RTN1: variants seen among roughly 807,000 people sequenced by gnomAD.
RTN1 encodes the protein reticulon-1.
In RTN1, 25 loss-of-function variants were observed where a neutral mutation model predicts 65.5. The ratio of observed to expected loss-of-function variants is 0.38; its 90% CI spans 0.28 to 0.53. The LOEUF (loss-of-function observed/expected upper bound fraction) is 0.53, where lower values mean the gene tolerates loss of function less well. Among genes scored for constraint, RTN1 ranks in the 20% least tolerant of loss-of-function variants. RTN1 has a pLI of 0.79. For synonymous variants in RTN1, 471 were observed against 447.6 expected, an observed-to-expected ratio of 1.05 and a Z score of -0.66; for missense variants, 983 against 1,025.4, an observed-to-expected ratio of 0.96 and a Z score of 0.57.
intron 1 of RTN1, among the ~76,000 whole-genome samples, chr14:59,814,429 G>A (rs1286830622): frequency 6.6e-6 from 1 of 152,192 alleles, no homozygotes; most frequent in African/African-American, 2.4e-5. Flanking sequence ...CTGGAGTCAG[G>A]GCCGTTGTAT....
Position 59,868,376 on chromosome 14 carries a change from G to C in RTN1, c.241+2014C>G, listed in dbSNP as rs1887833829. 6.6e-6 allele frequency among the ~76,000 whole-genome samples: 1 copy of C among 152,012 alleles called. No individual in the cohort carries two copies. The highest frequency in any genetic ancestry group is 6.6e-5 in the Admixed American group (1 of 15,254). On this transcript the variant is annotated intron_variant, in intron 1 of 8. Transcript: ENST00000267484. This position sits in a 1 kb window ranked among gnomAD's most constrained non-coding sequence, Gnocchi z 4.0. Reference sequence around the variant, plus strand: ...CCCATCCAAACGTAGTATCATGTTTGATTTTATTACTATATTTGTTGCCTA... The same window carrying C: ...CCCATCCAAACGTAGTATCATGTTTCATTTTATTACTATATTTGTTGCCTA...
intron 3 of RTN1, among the ~76,000 whole-genome samples, chr14:59,705,250 C>T (rs1049196820): frequency 6.6e-6 from 1 of 152,168 alleles, no homozygotes; most frequent in African/African-American, 2.4e-5. Context: ...CCCTCTACCC[C>T]CTACCCCAAC....
At chr14:59,600,408 C>T (rs1167415537) in intron 8 of RTN1, among the ~76,000 whole-genome samples, 1 of 152,134 alleles carries the variant, frequency 6.6e-6, no homozygotes, top group African/African-American at 2.4e-5. Context: ...GAAATAGGCT[C>T]ATAGAGTCAA....
chr14:59,658,059 G>T (rs1418539834), intron 3 of RTN1, among the ~76,000 whole-genome samples: 2 of 152,210 alleles, frequency 1.3e-5, no homozygotes, highest in East Asian at 3.9e-4. Flanking sequence ...GTTGGTGGGG[G>T]GAGGGGCATC....
At chr14:59,730,067 A>G (rs1260052226) in intron 2 of RTN1, among the ~76,000 whole-genome samples, 1 of 152,132 alleles carries the variant, frequency 6.6e-6, no homozygotes, top group Non-Finnish European at 1.5e-5. Flanking sequence ...GGCCATCTTT[A>G]CACTTCTGTA....
rs967678493 is a variant in RTN1 at position 59,774,060 on chromosome 14, C to T, written c.242-27579G>A. On this transcript the variant is annotated intron_variant, in intron 1 of 8. Coordinates refer to ENST00000267484, the MANE Select transcript of RTN1 (RefSeq NM_021136.3). This position sits in a 1 kb window ranked among gnomAD's most constrained non-coding sequence, Gnocchi z 5.1. The stretch of plus-strand genomic sequence containing the variant: ...GCATCCACGTTTGTGAAATAGAATG[C>T]CAGATTTACAAATTTGGGCAAGTAT... 6.6e-6 allele frequency among the ~76,000 whole-genome samples: 1 copy of T among 152,054 alleles called. No individual in the cohort carries two copies. The highest frequency in any genetic ancestry group is 2.4e-5 in the African/African-American group (1 of 41,404).
intron 1 of RTN1, among the ~76,000 whole-genome samples, chr14:59,773,749 T>C (rs778352925): frequency 5.9e-5 from 9 of 152,114 alleles, no homozygotes; most frequent in Non-Finnish European, 1.2e-4. Context: ...CAAGAGCTGA[T>C]TTATTTTGGC....
chr14:59,597,359 A>G (rs146316481), intron 8 of RTN1, among the ~76,000 whole-genome samples: 5 of 152,242 alleles, frequency 3.3e-5, no homozygotes, highest in Non-Finnish European at 5.9e-5. Flanking sequence ...CTGGTCCTAA[A>G]TACTCATTAA....
intron 3 of RTN1, among the ~76,000 whole-genome samples, chr14:59,719,986 T>C (rs1411002110): frequency 2.6e-5 from 4 of 152,124 alleles, no homozygotes; most frequent in Non-Finnish European, 5.9e-5. Flanking sequence ...AAGTTTAAGG[T>C]TGACTCGATT....
At chr14:59,700,613 T>A (rs991643222) in intron 3 of RTN1, among the ~76,000 whole-genome samples, 2 of 152,058 alleles carry the variant, frequency 1.3e-5, no homozygotes, top group Non-Finnish European at 2.9e-5. Flanking sequence ...CAAGACAATA[T>A]ATTGGGAAAA....
At chr14:59,636,208 A>G (rs867209387) in intron 3 of RTN1, among the ~76,000 whole-genome samples, 15 of 152,292 alleles carry the variant, frequency 9.8e-5, no homozygotes, top group South Asian at 2.1e-4. Context: ...ATGATTCCCA[A>G]TGTTGGAGGT....
At chr14:59,634,088 T>C (rs1277459152) in intron 3 of RTN1, among the ~76,000 whole-genome samples, 1 of 152,064 alleles carries the variant, frequency 6.6e-6, no homozygotes, top group Non-Finnish European at 1.5e-5. Context: ...GACAAGTGTA[T>C]GGGAAAAATA....
intron 3 of RTN1, among the ~76,000 whole-genome samples, chr14:59,615,708 T>G (rs1046712301): frequency 6.6e-6 from 1 of 152,230 alleles, no homozygotes; most frequent in African/African-American, 2.4e-5. Context: ...ATGAAATATG[T>G]TTTTCTCTTT....
intron 2 of RTN1, among the ~76,000 whole-genome samples, chr14:59,734,699 A>G (rs2139490091): frequency 6.6e-6 from 1 of 152,366 alleles, no homozygotes; most frequent in South Asian, 2.1e-4. Context: ...AAAGAATGAA[A>G]AAGAATGAAC....
chr14:59,846,761 T>G lies in RTN1; in HGVS notation c.241+23629A>C, dbSNP rs763879826. 1.4e-4 allele frequency among the ~76,000 whole-genome samples: 21 copies of G among 152,174 alleles called. No homozygotes were observed. Among genetic ancestry groups the G allele is most frequent in the Non-Finnish European group, 2.6e-4 (18 of 68,044 alleles). ...TGTGTAGTCTGGCTCCAAGTGCCCC[T>G]TGGTTCGTAGCCAGGTGTCCGCATA... On this transcript the variant is annotated intron_variant, in intron 1 of 8. Transcript: ENST00000267484. This position sits in a 1 kb window ranked among gnomAD's most constrained non-coding sequence, Gnocchi z 4.8.
At chr14:59,776,152 C>A (rs1469820306) in intron 1 of RTN1, among the ~76,000 whole-genome samples, 4 of 152,074 alleles carry the variant, frequency 2.6e-5, no homozygotes, top group African/African-American at 9.7e-5. Context: ...GTCTTCTCTC[C>A]TTCTTCCTGA....
At chr14:59,724,146 G>A (rs1270014368) in intron 3 of RTN1, among the ~76,000 whole-genome samples, 2 of 152,222 alleles carry the variant, frequency 1.3e-5, no homozygotes, top group East Asian at 1.9e-4. Context: ...AATACAGGGC[G>A]GCAAGAGCTC....
At chr14:59,706,732 A>C (rs190118697) in intron 3 of RTN1, among the ~76,000 whole-genome samples, 53 of 152,298 alleles carry the variant, frequency 3.5e-4, no homozygotes, top group African/African-American at 1.1e-3. Context: ...GAATATTAGT[A>C]ATCTCCGTGA....
chr14:59,694,562 G>A (rs918748566), intron 3 of RTN1, among the ~76,000 whole-genome samples: 5 of 152,072 alleles, frequency 3.3e-5, no homozygotes, highest in African/African-American at 4.8e-5. Flanking sequence ...AAATTTGCAC[G>A]GTGCAAAAAC....
Sources: allele counts gnomAD v4.1 joint callset (sites outside exome capture counted in the v4.1 genomes callset), GRCh38; gene constraint gnomAD v4.1.1; non-coding constraint Gnocchi (gnomAD v3.1); transcripts MANE v1.5; gene names NCBI Gene and HGNC (gene_info 2026-07-23, HGNC 2026-07-21).